GRB7: variants seen among roughly 807,000 people sequenced by gnomAD.
The protein encoded by GRB7 is growth factor receptor-bound protein 7.
In GRB7, 47 loss-of-function variants were observed where a neutral mutation model predicts 64.1. The observed-to-expected ratio is 0.73, with a 90% confidence interval of 0.58 to 0.94. GRB7 has a LOEUF of 0.94. Among genes scored for constraint, GRB7 ranks in the 40% least tolerant of loss-of-function variants. GRB7 has a pLI of 0.00. For synonymous variants in GRB7, 277 were observed against 279.9 expected (o/e 0.99, Z 0.10); for missense variants, 634 against 718.4 (o/e 0.88, Z 1.34).
rs548175182 is a variant in GRB7 at position 39,746,928 on chromosome 17, C to T, written c.*31C>T. On this transcript the variant is annotated 3_prime_UTR_variant, in exon 15 of 15. Transcript: ENST00000309156. ...CCGTGGACTGGCTCATGCCTCAGCC[C>T]GCCTTCAGGCTGCCCGCCGCCCCTC... 6.3e-6 allele frequency: 10 copies of T among 1,580,456 alleles called. No individual in the cohort carries two copies. The highest frequency in any genetic ancestry group is 2.2e-5 in the South Asian group (2 of 89,774).
At position 39,743,289 on chromosome 17, in the gene GRB7, C is replaced by G. The variant is rs1567927270; in HGVS notation, c.573C>G (p.Phe191Leu). 1 of 1,614,232 alleles carries G rather than the reference C, an allele frequency of 6.2e-7. No individual in the cohort carries two copies. Among genetic ancestry groups the G allele is most frequent in the Non-Finnish European group, 8.5e-7 (1 of 1,180,036 alleles). ...FRKNFAKYEL[F>L]KSSPHSLFPE... ...AAAACTTCGCCAAGTACGAACTGTT[C>G]AAGAGCTCCCCAGTGAGTGCATGAG... Residue 191 changes from phenylalanine (F) to leucine (L), a missense_variant, in exon 5 of 15, where the codon TTC becomes TTG. By Grantham distance (22) the Phe-to-Leu change is conservative (BLOSUM62 0). Around this residue, in one of 2 missense-constraint regions of GRB7, gnomAD observed 467 missense variants for 576.6 expected, o/e 0.81. Coordinates refer to ENST00000309156, the MANE Select transcript of GRB7 (RefSeq NM_005310.5).
intron 1 of GRB7, chr17:39,738,545 C>G (rs1205179916): frequency 5.6e-6 from 1 of 180,178 alleles, no homozygotes; most frequent in Non-Finnish European, 1.2e-5. Flanking sequence ...CCCACCCGCC[C>G]TCTTTTCGTC....
At chr17:39,745,588 G>A (rs778758748) in intron 11 of GRB7, 50 bp downstream of exon 11, 2 of 1,570,146 alleles carry the variant, frequency 1.3e-6, no homozygotes, top group South Asian at 2.2e-5. Flanking sequence ...CCACTCTCTG[G>A]GTGGGATCCC....
intron 9 of GRB7, 49 bp from the exon 10 acceptor site, chr17:39,745,194 G>A (rs762490278): frequency 4.1e-6 from 6 of 1,475,942 alleles, no homozygotes; most frequent in South Asian, 1.3e-5. Flanking sequence ...TCACAGCCAC[G>A]CCCCCAGGAC....
intron 7 of GRB7, 62 bp downstream of exon 7, chr17:39,744,269 C>T: frequency 1.3e-6 from 2 of 1,591,858 alleles, no homozygotes; most frequent in Non-Finnish European, 1.7e-6. Flanking sequence ...GAAGTTGCCC[C>T]TTCTCTGCTG....
rs67306131 is a variant in GRB7 at position 39,745,549 on chromosome 17, C to CTG, written c.1209+25_1209+26dup. ...GCCCAGGCCTGGAGGGTGAGGCCTG[C>CTG]TGTGTGTGTGTGTGTTTGTGCTGGG... On this transcript the variant is annotated intron_variant, in intron 11 of 14. Transcript: ENST00000309156. 53,596 of 1,572,286 alleles carry CTG rather than the reference C, an allele frequency of 0.034. 432 individuals are homozygous for CTG. Among genetic ancestry groups the CTG allele is most frequent in the Non-Finnish European group, 0.039 (44,795 of 1,147,138 alleles).
Position 39,745,913 on chromosome 17 carries a change from C to G in GRB7, c.1271C>G (p.Ala424Gly). ...MPASGTSLSA[A>G]IHRTQLWFHG... The stretch of plus-strand genomic sequence containing the variant: ...CCGCCCATGTCCTTCCCCACCACAG[C>G]CATCCACCGCACCCAACTCTGGTTC... Residue 424 changes from alanine (A) to glycine (G), a missense_variant and splice_region_variant, in exon 13 of 15, where the codon GCC becomes GGC. Physicochemically the swap from Ala to Gly is moderately conservative, Grantham distance 60. Around this residue, in one of 2 missense-constraint regions of GRB7, gnomAD observed 467 missense variants for 576.6 expected, o/e 0.81. Transcript: ENST00000309156. 1.9e-6 allele frequency: 3 copies of G among 1,613,950 alleles called. No individual in the cohort carries two copies. The South Asian group carries it at 3.3e-5, about 18-fold the overall frequency.
intron 1 of GRB7, chr17:39,738,652 C>T (rs943269208): frequency 2.4e-6 from 1 of 410,824 alleles, no homozygotes; most frequent in Middle Eastern, 6.6e-4. Flanking sequence ...TCTCCTCCGA[C>T]TTGGCTTTCC....
chr17:39,739,223 T>C (rs2059975652), intron 1 of GRB7, among the ~76,000 whole-genome samples: 1 of 143,248 alleles, frequency 7.0e-6, no homozygotes, highest in East Asian at 2.1e-4. Flanking sequence ...TGGACTCTGC[T>C]CTCCCCTCTC....
intron 1 of GRB7, among the ~76,000 whole-genome samples, chr17:39,740,509 C>G (rs2059985810): frequency 6.6e-6 from 1 of 152,168 alleles, no homozygotes; most frequent in Admixed American, 6.5e-5. Context: ...GGCATTGCCT[C>G]TCTCCTTCCC....
intron 6 of GRB7, 60 bp from the exon 7 acceptor site, chr17:39,744,009 GT>G: frequency 6.3e-7 from 1 of 1,585,912 alleles, no homozygotes; most frequent in South Asian, 1.1e-5. Context: ...AAACATCCTG[GT>G]GGTAGAGGGG....
At chr17:39,739,231 C>T (rs1282058161) in intron 1 of GRB7, among the ~76,000 whole-genome samples, 2 of 151,684 alleles carry the variant, frequency 1.3e-5, no homozygotes, top group Non-Finnish European at 2.9e-5. Flanking sequence ...GCTCTCCCCT[C>T]TCCTGATATC....
rs1355153691 is a variant in GRB7, at chr17:39,746,103, T to C, written c.1359-6T>C. 6.2e-7 allele frequency: 1 copy of C among 1,613,884 alleles called. No homozygotes were observed. Among genetic ancestry groups the C allele is most frequent in the Non-Finnish European group, 8.5e-7 (1 of 1,179,750 alleles). On this transcript the variant is annotated splice_region_variant and splice_polypyrimidine_tract_variant and intron_variant, in intron 13 of 14. Transcript: ENST00000309156. ...TAATGCTGCCCCATCTCCTGTCTTC[T>C]GGCAGCCTGTTCCTGGTCCGGGAGA...
chr17:39,739,222 C>T (rs548338806), intron 1 of GRB7, among the ~76,000 whole-genome samples: 259 of 148,126 alleles, frequency 1.7e-3, no homozygotes, highest in Non-Finnish European at 2.8e-3. Flanking sequence ...TTGGACTCTG[C>T]TCTCCCCTCT....
At chr17:39,738,856 ATC>A in intron 1 of GRB7, 1 of 1,525,252 alleles carries the variant, frequency 6.6e-7, no homozygotes. Context: ...TCGAGGCTTC[ATC>A]TCTCCAGATT....
chr17:39,744,215 C>T lies in GRB7; in HGVS notation c.801+8C>T. 6.2e-7 allele frequency: 1 copy of T among 1,613,502 alleles called. No homozygotes were observed. Among genetic ancestry groups the T allele is most frequent in the Non-Finnish European group, 8.5e-7 (1 of 1,179,932 alleles). On this transcript the variant is annotated splice_region_variant and intron_variant, in intron 7 of 14. Coordinates refer to ENST00000309156, the MANE Select transcript of GRB7 (RefSeq NM_005310.5). ...ACCAAGGGCACCTCTAAGGTAAGGT[C>T]TTGAGGGTACCAGCCCCAGCCCCTC...
chr17:39,740,819 C>T (rs1468481634), intron 1 of GRB7, among the ~76,000 whole-genome samples: 1 of 152,170 alleles, frequency 6.6e-6, no homozygotes, highest in African/African-American at 2.4e-5. Context: ...AGTGTTGTCC[C>T]GCCCGCCCTG....
Position 39,742,409 on chromosome 17 carries a change from T to G in GRB7, c.108T>G (p.Pro36=). 6.2e-7 allele frequency: 1 copy of G among 1,613,910 alleles called. No homozygotes were observed. The highest frequency in any genetic ancestry group is 8.5e-7 in the Non-Finnish European group (1 of 1,179,996). The change falls in exon 2 of 15, where the codon CCT becomes CCG. Residue 36 remains proline (P), a synonymous_variant. Transcript: ENST00000309156. ...GTPRPPDTPL[P]EEVKRSQPLL... is the part of the protein sequence containing the mutation. Reference sequence around the variant, plus strand: ...CCCGGCCCCCTGATACCCCTCTGCCTGAGGAGGTAAAGAGGTCCCAGCCTC... The same window carrying G: ...CCCGGCCCCCTGATACCCCTCTGCCGGAGGAGGTAAAGAGGTCCCAGCCTC...
chr17:39,743,391 A>G lies in GRB7; in HGVS notation c.586-2A>G. On this transcript the variant is annotated splice_acceptor_variant, in intron 5 of 14. Coordinates refer to ENST00000309156, the MANE Select transcript of GRB7 (RefSeq NM_005310.5). LOFTEE classifies it high-confidence loss of function. ...TGATCCCTGACACTTGTCTACCCACAGCACTCCCTGTTCCCAGAAAAAATG... is the reference window on the plus strand; with the variant it reads ...TGATCCCTGACACTTGTCTACCCACGGCACTCCCTGTTCCCAGAAAAAATG... 6.2e-7 allele frequency: 1 copy of G among 1,614,176 alleles called. No individual in the cohort carries two copies. Among genetic ancestry groups the G allele is most frequent in the South Asian group, 1.1e-5 (1 of 91,088 alleles).
Sources: allele counts gnomAD v4.1 joint callset (sites outside exome capture counted in the v4.1 genomes callset), GRCh38; gene constraint gnomAD v4.1.1; regional missense constraint gnomAD v4.1.1; transcripts MANE v1.5; gene names NCBI Gene and HGNC (gene_info 2026-07-23, HGNC 2026-07-21).